The following PHF8 variants were observed in gnomAD, a reference collection of about 807,000 sequenced individuals.
PHF8 encodes histone lysine demethylase PHF8.
A neutral mutation model predicts 74.4 loss-of-function variants in PHF8; 9 were observed. The ratio of observed to expected loss-of-function variants is 0.12; its 90% CI spans 0.07 to 0.21. The LOEUF (loss-of-function observed/expected upper bound fraction) is 0.21, where lower values mean the gene tolerates loss of function less well. Among genes scored for constraint, PHF8 ranks in the 10% least tolerant of loss-of-function variants. The pLI is 1.00. For missense variants in PHF8, 478 were observed against 816.6 expected (o/e 0.59, Z 5.05); for synonymous variants, 311 against 316.6 (o/e 0.98, Z 0.19).
intron 8 of PHF8, among the ~76,000 whole-genome samples, chrX:54,003,288 C>T (rs1287936220): frequency 9.0e-6 from 1 of 111,269 alleles, no homozygotes; most frequent in African/African-American, 3.3e-5. Flanking sequence ...AAAGGAATAC[C>T]GACTGTTTGC....
chrX:54,004,019 CTAG>C (rs1417942794), intron 8 of PHF8, among the ~76,000 whole-genome samples: 28 of 111,918 alleles, frequency 2.5e-4, no homozygotes, highest in Non-Finnish European at 4.1e-4. Context: ...GCTATTGTGG[CTAG>C]TAGAATATTA....
At chrX:54,002,067 T>C (rs2065835966) in intron 10 of PHF8, 88 bp downstream of exon 10, 2 of 548,923 alleles carry the variant, frequency 3.6e-6, no homozygotes, top group Non-Finnish European at 6.7e-6. Flanking sequence ...AATAGTATCA[T>C]GTCTTGACTG....
intron 19 of PHF8, among the ~76,000 whole-genome samples, chrX:53,955,577 T>TA (rs57764829): frequency 1.6e-4 from 16 of 102,879 alleles, no homozygotes; most frequent in East Asian, 9.0e-4. Flanking sequence ...TTTTTTTTTT[T>TA]AATTTCTGCT....
intron 19 of PHF8, among the ~76,000 whole-genome samples, chrX:53,956,688 G>A (rs1202677924): frequency 9.2e-6 from 1 of 109,239 alleles, no homozygotes; most frequent in Non-Finnish European, 1.9e-5. Context: ...GTGTGTGTGT[G>A]TGTGTGTGTG....
chrX:53,975,599 A>T (rs2065360655), intron 18 of PHF8, among the ~76,000 whole-genome samples: 1 of 112,415 alleles, frequency 8.9e-6, no homozygotes, highest in Admixed American at 9.5e-5. Flanking sequence ...GGAGGTCATT[A>T]TATTAAGTGA....
rs782322711 is a variant in PHF8, at chrX:53,938,414, T to C, written c.*744A>G. On this transcript the variant is annotated 3_prime_UTR_variant, in exon 22 of 22. Transcript: ENST00000338154. ...ACCCTAAAACAAGTGGCCTCATGTG[T>C]AGCCAGCTAAAAGTAGCTTCCTCCA... 9.0e-5 allele frequency: 73 copies of C among 810,384 alleles called. No homozygotes were observed. The highest frequency in any genetic ancestry group is 9.9e-5 in the Non-Finnish European group (67 of 675,445). The allele number at this position is 810,384 out of a possible 1,213,427, so 66.8% of individuals were successfully genotyped here. A position where few individuals can be genotyped will look rare whatever the true frequency, so the allele number is the denominator to read the frequency against.
intron 19 of PHF8, among the ~76,000 whole-genome samples, chrX:53,954,646 T>C (rs1473247427): frequency 9.8e-6 from 1 of 102,414 alleles, no homozygotes; most frequent in Non-Finnish European, 2.0e-5. Context: ...GTGACAGATA[T>C]ATATATATAT....
In PHF8 at chrX:53,939,069, C is replaced by T. The variant is rs930295673; in HGVS notation, c.*89G>A. The T allele has an allele frequency of 1.5e-5, 18 of 1,173,126 alleles. No individual in the cohort carries two copies. The highest frequency in any genetic ancestry group is 8.8e-5 in the African/African-American group (5 of 56,860). On this transcript the variant is annotated 3_prime_UTR_variant, in exon 22 of 22. Coordinates refer to ENST00000338154, the MANE Select transcript of PHF8 (RefSeq NM_015107.3). ...GGACAATGCACCTCAGCACCTTGTCCAGGGCAGATAGGATCCAGGAGTGCC... is the reference window on the plus strand; with the variant it reads ...GGACAATGCACCTCAGCACCTTGTCTAGGGCAGATAGGATCCAGGAGTGCC...
intron 18 of PHF8, among the ~76,000 whole-genome samples, chrX:53,963,494 A>G (rs1557091515): frequency 8.9e-6 from 1 of 112,268 alleles, no homozygotes; most frequent in Non-Finnish European, 1.9e-5. Flanking sequence ...AATAAACAGT[A>G]CATACTTAAT....
In PHF8 at chrX:53,992,729, A is replaced by G; in HGVS notation, c.1730+7T>C. ...CAGTACCTCTGTGCTCCTCCTTCCC[A>G]CCTCACCTGCCGTTAGACATCAATA... On this transcript the variant is annotated splice_region_variant and intron_variant, in intron 14 of 21. Transcript: ENST00000338154. The G allele has an allele frequency of 9.1e-7, 1 of 1,095,731 alleles. No homozygotes were observed. Among genetic ancestry groups the G allele is most frequent in the Non-Finnish European group, 1.3e-6 (1 of 794,430 alleles). The allele number at this position is 1,095,731 out of a possible 1,213,427, so 90.3% of individuals were successfully genotyped here. A position where few individuals can be genotyped will look rare whatever the true frequency, so the allele number is the denominator to read the frequency against.
intron 6 of PHF8, among the ~76,000 whole-genome samples, chrX:54,016,175 A>G (rs1036256081): frequency 8.9e-6 from 1 of 111,913 alleles, no homozygotes; most frequent in Non-Finnish European, 1.9e-5. Context: ...GCCATCCCAA[A>G]GGAAGAAACC....
intron 19 of PHF8, among the ~76,000 whole-genome samples, chrX:53,951,628 A>G (rs1005833859): frequency 3.7e-5 from 4 of 109,457 alleles, no homozygotes; most frequent in African/African-American, 1.3e-4. Flanking sequence ...TTTTTTTTCT[A>G]TTTTTAGTAG....
At chrX:53,975,450 C>G (rs2065358883) in intron 18 of PHF8, among the ~76,000 whole-genome samples, 1 of 112,101 alleles carries the variant, frequency 8.9e-6, no homozygotes, top group Admixed American at 9.5e-5. Context: ...TCACAATAGC[C>G]AAGATATGGA....
chrX:54,005,203 C>T (rs1294281072), intron 8 of PHF8, among the ~76,000 whole-genome samples: 1 of 110,747 alleles, frequency 9.0e-6, no homozygotes, highest in African/African-American at 3.3e-5. Context: ...CGCGGTGGCT[C>T]ATGCCTGTAA....
At position 53,938,165 on chromosome X, in the gene PHF8, A is replaced by C; in HGVS notation, c.*993T>G. On this transcript the variant is annotated 3_prime_UTR_variant, in exon 22 of 22. Coordinates refer to ENST00000338154, the MANE Select transcript of PHF8 (RefSeq NM_015107.3). ...ATGAAAAGTTCCCGATGGAGGACCC[A>C]GGTGTGGGCCGTCCCGCCACACCCT... is the stretch of plus-strand genomic sequence containing the variant. The C allele has an allele frequency of 8.1e-6, 9 of 1,111,148 alleles. No homozygotes were observed. The highest frequency in any genetic ancestry group is 1.1e-5 in the Non-Finnish European group (9 of 846,405). 91.6% of individuals were successfully genotyped at this position (1,111,148 alleles called of 1,213,427 possible).
chrX:53,943,064 T>A, intron 20 of PHF8: 1 of 807,693 alleles, frequency 1.2e-6, no homozygotes, highest in Non-Finnish European at 1.5e-6. Flanking sequence ...TGAGGTTATC[T>A]CTGATCATCC....
Position 53,938,298 on chromosome X carries a change from T to C in PHF8, c.*860A>G. 9.8e-7 allele frequency: 1 copy of C among 1,022,643 alleles called. No individual in the cohort carries two copies. Among genetic ancestry groups the C allele is most frequent in the Non-Finnish European group, 1.2e-6 (1 of 804,463 alleles). The allele number at this position is 1,022,643 out of a possible 1,213,427, so 84.3% of individuals were successfully genotyped here. On this transcript the variant is annotated 3_prime_UTR_variant, in exon 22 of 22. Coordinates refer to ENST00000338154, the MANE Select transcript of PHF8 (RefSeq NM_015107.3). ...CTTTCAGGTTTCTGGGAGATGGTTT[T>C]CCACCTGCCAGGGCCCAGCCACAGC...
chrX:53,998,362 G>A (rs1402257828), intron 11 of PHF8, among the ~76,000 whole-genome samples: 2 of 111,402 alleles, frequency 1.8e-5, no homozygotes, highest in African/African-American at 6.5e-5. Context: ...GCTGAGGCAC[G>A]AGAATCGCTT....
At chrX:53,965,407 T>C (rs1198855512) in intron 18 of PHF8, among the ~76,000 whole-genome samples, 38 of 113,002 alleles carry the variant, frequency 3.4e-4, no homozygotes, top group African/African-American at 1.1e-3. Flanking sequence ...AAACTCCAGA[T>C]GCAGGCGGAT....
Sources: allele counts gnomAD v4.1 joint callset (sites outside exome capture counted in the v4.1 genomes callset), GRCh38; gene constraint gnomAD v4.1.1; transcripts MANE v1.5; gene names NCBI Gene and HGNC (gene_info 2026-07-23, HGNC 2026-07-21).